Variants in FRMPD1 observed in about 807,000 individuals in gnomAD.
FRMPD1 encodes the protein FERM and PDZ domain-containing protein 1.
A neutral mutation model predicts 117.8 loss-of-function variants in FRMPD1; 76 were observed. The observed-to-expected ratio is 0.65, with a 90% CI of 0.54 to 0.78. FRMPD1 has a LOEUF of 0.78. FRMPD1 is among the 30% of genes least tolerant of loss of function. FRMPD1 has a pLI of 0.00. For synonymous variants in FRMPD1, 783 were observed against 770.4 expected, an observed-to-expected ratio of 1.02 and a Z score of -0.27; for missense variants, 1,786 against 1,964.5, an observed-to-expected ratio of 0.91 and a Z score of 1.72.
chr9:37,715,433 T>C lies in FRMPD1; in HGVS notation c.409-3636T>C, dbSNP rs1463900710. On this transcript the variant is annotated intron_variant, in intron 5 of 15. Transcript: ENST00000377765. ...ACCCTGCTGCCTTTGTGAGTGACAT[T>C]GTGTAGCCCAGGGCAGAGGGTATTG... 3.9e-5 allele frequency among the ~76,000 whole-genome samples: 6 copies of C among 152,188 alleles called. No homozygotes were observed. In the South Asian group the frequency reaches 6.2e-4, roughly 16 times the overall value.
chr9:37,693,041 C>T (rs1361156968), intron 2 of FRMPD1: 13 of 439,232 alleles, frequency 3.0e-5, no homozygotes, highest in East Asian at 1.6e-4. Flanking sequence ...CATACTCATA[C>T]GCACATGCAT....
At chr9:37,653,144 G>A (rs1281139530) in intron 1 of FRMPD1, among the ~76,000 whole-genome samples, 1 of 152,156 alleles carries the variant, frequency 6.6e-6, no homozygotes, top group Non-Finnish European at 1.5e-5. Context: ...ACCTGGGCTG[G>A]AATCCTCGCT....
rs1306096074 is a variant in FRMPD1 at position 37,732,409 on chromosome 9, C to G, written c.964C>G (p.Gln322Glu). The stretch of plus-strand genomic sequence containing the variant: ...CCAGGAACGGATCTACGCCTGTGCC[C>G]AGCCACAGAAGATCTCTTTAAAGTA... The part of the protein sequence containing the change: ...HIQERIYACA[Q>E]PQKISLKYIE... The change falls in exon 10 of 16, where the codon CAG becomes GAG. Residue 322 changes from glutamine to glutamate, a missense_variant. Physicochemically the swap from Gln to Glu is conservative, Grantham distance 29 (BLOSUM62 2). Coordinates refer to ENST00000377765, the MANE Select transcript of FRMPD1 (RefSeq NM_014907.3). 6.2e-7 allele frequency: 1 copy of G among 1,613,370 alleles called. No homozygotes were observed. Among genetic ancestry groups the G allele is most frequent in the East Asian group, 2.2e-5 (1 of 44,890 alleles).
chr9:37,644,299 C>T, the FRMPD1 span, among the ~76,000 whole-genome samples: 1 of 152,106 alleles, frequency 6.6e-6, no homozygotes, highest in African/African-American at 2.4e-5. Context: ...CTCAGGTAGC[C>T]CAGGATTGAA....
chr9:37,694,444 A>G (rs1443718812), intron 2 of FRMPD1, among the ~76,000 whole-genome samples: 1 of 152,220 alleles, frequency 6.6e-6, no homozygotes, highest in African/African-American at 2.4e-5. Context: ...CATCACTGCT[A>G]TCTAATTTTA....
chr9:37,619,916 GA>G, the FRMPD1 span, among the ~76,000 whole-genome samples: 24,098 of 130,920 alleles, frequency 0.18, 2,227 homozygotes, highest in African/African-American at 0.28. Flanking sequence ...GTAGACAGGG[GA>G]AAAAAAAAAA....
chr9:37,610,533 C>A, the FRMPD1 span, among the ~76,000 whole-genome samples: 7 of 151,586 alleles, frequency 4.6e-5, no homozygotes, highest in Non-Finnish European at 8.8e-5. Flanking sequence ...CTCTCTTTTT[C>A]ATTTATCATA....
intron 1 of FRMPD1, among the ~76,000 whole-genome samples, chr9:37,676,300 G>A (rs189130388): frequency 1.3e-5 from 2 of 152,196 alleles, no homozygotes; most frequent in Admixed American, 6.5e-5. Flanking sequence ...CTCGTGTCTC[G>A]GGGAGCATCT....
the FRMPD1 span, among the ~76,000 whole-genome samples, chr9:37,627,655 ATAGAGACAAGG>A: frequency 6.6e-6 from 1 of 152,080 alleles, no homozygotes; most frequent in South Asian, 2.1e-4. Flanking sequence ...TATTTTTTTT[ATAGAGACAAGG>A]TCTCACTTTG....
the FRMPD1 span, among the ~76,000 whole-genome samples, chr9:37,635,303 G>A: frequency 6.6e-6 from 1 of 152,092 alleles, no homozygotes. Context: ...ATGTTCAATT[G>A]AATTTATTTG....
chr9:37,685,922 T>C (rs939702188), intron 1 of FRMPD1, among the ~76,000 whole-genome samples: 2 of 152,272 alleles, frequency 1.3e-5, no homozygotes, highest in African/African-American at 4.8e-5. Context: ...TCTTTTATTA[T>C]CACCTTTTGT....
chr9:37,714,751 A>G (rs1244116555), intron 5 of FRMPD1, among the ~76,000 whole-genome samples: 2 of 151,820 alleles, frequency 1.3e-5, no homozygotes, highest in African/African-American at 4.8e-5. Flanking sequence ...GGTTCAAGCA[A>G]TTCTCCCACC....
At chr9:37,658,623 A>G (rs1820908936) in intron 1 of FRMPD1, among the ~76,000 whole-genome samples, 1 of 152,032 alleles carries the variant, frequency 6.6e-6, no homozygotes, top group African/African-American at 2.4e-5. Context: ...GCCCACTGGC[A>G]TTTCTTGACT....
chr9:37,646,611 CTTAAAAACAT>C (rs764769141), upstream of FRMPD1, among the ~76,000 whole-genome samples: 2 of 152,186 alleles, frequency 1.3e-5, no homozygotes, highest in Non-Finnish European at 2.9e-5. Flanking sequence ...ATCGAAAACA[CTTAAAAACAT>C]TTAAAAACAC....
chr9:37,715,492 C>T (rs1823080401), intron 5 of FRMPD1, among the ~76,000 whole-genome samples: 1 of 152,198 alleles, frequency 6.6e-6, no homozygotes, highest in Admixed American at 6.5e-5. Flanking sequence ...CAACGTGTCC[C>T]TTTTCAGTGC....
chr9:37,658,887 G>C (rs1820917325), intron 1 of FRMPD1, among the ~76,000 whole-genome samples: 1 of 152,004 alleles, frequency 6.6e-6, no homozygotes, highest in South Asian at 2.1e-4. Context: ...TTATTTTTGA[G>C]ACTGGGTTTG....
rs572560438 is a variant in FRMPD1 at position 37,746,829 on chromosome 9, C to A, written c.*60C>A. On this transcript the variant is annotated 3_prime_UTR_variant, in exon 16 of 16. Coordinates refer to ENST00000377765, the MANE Select transcript of FRMPD1 (RefSeq NM_014907.3). The stretch of plus-strand genomic sequence containing the variant: ...CTGCCTTGGACACTTCCCTGAGAAG[C>A]CCCTTCCACTCTCCCACCCACCCTC... 12 of 1,116,544 alleles carry A rather than the reference C, an allele frequency of 1.1e-5. 1 individual carries two copies. In the African/African-American group the frequency reaches 1.5e-4, roughly 14 times the overall value. 69.2% of individuals were successfully genotyped at this position (1,116,544 alleles called of 1,614,324 possible).
intron 2 of FRMPD1, among the ~76,000 whole-genome samples, chr9:37,694,098 G>A (rs148710870): frequency 4.6e-5 from 7 of 152,298 alleles, no homozygotes; most frequent in African/African-American, 1.7e-4. Flanking sequence ...CATGAGTGTT[G>A]TAGGTGGTCA....
chr9:37,646,611 C>T (rs1009167412), upstream of FRMPD1, among the ~76,000 whole-genome samples: 1 of 152,304 alleles, frequency 6.6e-6, no homozygotes, highest in East Asian at 1.9e-4. Flanking sequence ...ATCGAAAACA[C>T]TTAAAAACAT....
Sources: gnomAD v4.1 joint callset for allele counts (sites outside exome capture counted in the v4.1 genomes callset) on GRCh38, gnomAD v4.1.1 for gene constraint, MANE v1.5 for transcripts, NCBI Gene and HGNC (gene_info 2026-07-23, HGNC 2026-07-21) for gene names.